THEM5: variants seen among roughly 807,000 people sequenced by gnomAD.
The protein encoded by THEM5 is acyl-coenzyme A thioesterase THEM5.
THEM5 carries 28 observed loss-of-function variants against 24.2 expected under a neutral mutation model. The ratio of observed to expected loss-of-function variants is 1.16; its 90% CI spans 0.86 to 1.59. The LOEUF (loss-of-function observed/expected upper bound fraction) is 1.59. Among genes scored for constraint, THEM5 ranks in the 40% most tolerant of loss-of-function variants. The pLI is 0.00. For synonymous variants in THEM5, 87 were observed against 114.5 expected (o/e 0.76, Z 1.53); for missense variants, 260 against 296.8 (o/e 0.88, Z 0.91).
chr1:151,851,097 C>A lies in THEM5; in HGVS notation c.420G>T (p.Ser140=), dbSNP rs762789735. 6.2e-7 allele frequency: 1 copy of A among 1,614,160 alleles called. No homozygotes were observed. Among genetic ancestry groups the A allele is most frequent in the Non-Finnish European group, 8.5e-7 (1 of 1,180,030 alleles). The part of the protein sequence containing the change: ...VIFFQPTQKK[S]VCLFQPGSYL... Reference sequence around the variant, plus strand: ...AGGAGCCTGGTTGGAAAAGACAGACCGACTTCTTCTGGGTTGGCTGGAAAA... The same window carrying A: ...AGGAGCCTGGTTGGAAAAGACAGACAGACTTCTTCTGGGTTGGCTGGAAAA... Residue 140 remains serine (S), a synonymous_variant, in exon 3 of 6, where the codon TCG becomes TCT. Coordinates refer to ENST00000368817, the MANE Select transcript of THEM5 (RefSeq NM_182578.4).
chr1:151,847,512 G>C, intron 5 of THEM5, 98 bp from the exon 6 acceptor site: 1 of 1,526,060 alleles, frequency 6.6e-7, no homozygotes, highest in Non-Finnish European at 9.1e-7. Flanking sequence ...CCCATTACCT[G>C]GGTCCTGTCC....
Position 151,847,743 on chromosome 1 carries a change from G to A in THEM5, c.695C>T (p.Ser232Phe). The change falls in exon 5 of 6, where the codon TCC becomes TTC. Residue 232 changes from serine (S) to phenylalanine (F), a missense_variant. Ser to Phe is a radical substitution (Grantham distance 155, BLOSUM62 -2). Transcript: ENST00000368817. ...SRDQQTVYAK[S>F]SGVFLQLQLE... ...TGGGCTGGGGGCTCCTTTACCTGAG[G>A]ACTTGGCATAAACTGTCTGCTGGTC... 1 of 1,613,334 alleles carries A rather than the reference G, an allele frequency of 6.2e-7. No individual in the cohort carries two copies. The highest frequency in any genetic ancestry group is 8.5e-7 in the Non-Finnish European group (1 of 1,179,916).
intron 1 of THEM5, 149 bp from the exon 2 acceptor site, chr1:151,852,608 T>C: frequency 1.3e-6 from 1 of 743,344 alleles, no homozygotes; most frequent in Non-Finnish European, 2.2e-6. Flanking sequence ...CCCATATTCC[T>C]TGCAGGGGGG....
In THEM5 at chr1:151,853,421, T is replaced by C. The variant is rs755332115; in HGVS notation, c.123+22A>G. On this transcript the variant is annotated intron_variant, in intron 1 of 5. Coordinates refer to ENST00000368817, the MANE Select transcript of THEM5 (RefSeq NM_182578.4). ...TAGGCTCCTGGGAAAACACTGCCCA[T>C]CTGGCTGAGCTGGGAACTCACCATG... 2.0e-5 allele frequency: 32 copies of C among 1,608,408 alleles called. 1 individual carries two copies. In the South Asian group the frequency reaches 3.4e-4, roughly 17 times the overall value.
intron 1 of THEM5, among the ~76,000 whole-genome samples, chr1:151,853,092 A>C (rs1399505490): frequency 6.6e-6 from 1 of 152,220 alleles, no homozygotes; most frequent in Non-Finnish European, 1.5e-5. Flanking sequence ...TCACCTGCTC[A>C]TACACCAGTC....
At chr1:151,849,065 TA>T (rs1653033032) in intron 3 of THEM5, among the ~76,000 whole-genome samples, 1 of 151,834 alleles carries the variant, frequency 6.6e-6, no homozygotes, top group Non-Finnish European at 1.5e-5. Context: ...CTAAAAAATA[TA>T]AAAATTAGAC....
intron 3 of THEM5, 77 bp from the exon 4 acceptor site, chr1:151,848,369 C>T (rs60166269): frequency 0.19 from 213,195 of 1,132,424 alleles, 24,742 homozygotes; most frequent in South Asian, 0.38. Context: ...CCTTCCCTCC[C>T]TCCTGTGGTG....
rs769395039 is a variant in THEM5, at chr1:151,851,101, T to A, written c.416A>T (p.Lys139Met). 3.1e-6 allele frequency: 5 copies of A among 1,613,828 alleles called. No individual in the cohort carries two copies. Among genetic ancestry groups the A allele is most frequent in the South Asian group, 2.2e-5 (2 of 91,078 alleles). ...GCCTGGTTGGAAAAGACAGACCGAC[T>A]TCTTCTGGGTTGGCTGGAAAAAGAT... ...YVIFFQPTQK[K>M]SVCLFQPGSY... The change falls in exon 3 of 6, where the codon AAG (lysine) becomes ATG (methionine). Residue 139 changes from lysine (K) to methionine (M), a missense_variant. Physicochemically the swap from Lys to Met is moderately conservative, Grantham distance 95. Coordinates refer to ENST00000368817, the MANE Select transcript of THEM5 (RefSeq NM_182578.4).
rs1406414584 is a variant in THEM5 at position 151,852,302 on chromosome 1, TG to T, written c.280del (p.His94ThrfsTer72). The T allele has an allele frequency of 1.9e-6, 3 of 1,613,970 alleles. No individual in the cohort carries two copies. Among genetic ancestry groups the T allele is most frequent in the Middle Eastern group, 1.7e-4 (1 of 6,032 alleles). On this transcript the variant is annotated frameshift_variant, in exon 2 of 6. Coordinates refer to ENST00000368817, the MANE Select transcript of THEM5 (RefSeq NM_182578.4). LOFTEE classifies it high-confidence loss of function. ...KLPSFKSNRD[H>X]IRGLKLPSGL... ...AGATGGGAGCTTGAGTCCCCGGATG[TG>T]GTCTCTGTTGGACTTGAAGGAGGGC...
At chr1:151,851,883 C>T (rs901112796) in intron 2 of THEM5, among the ~76,000 whole-genome samples, 2 of 152,124 alleles carry the variant, frequency 1.3e-5, no homozygotes, top group African/African-American at 4.8e-5. Flanking sequence ...TGTGCAGGGC[C>T]TCAGTGGAAG....
chr1:151,851,335 C>G, intron 2 of THEM5, 144 bp from the exon 3 acceptor site: 1 of 1,063,834 alleles, frequency 9.4e-7, no homozygotes, highest in Admixed American at 2.1e-5. Flanking sequence ...AGCCTTCCCT[C>G]TGGGAGCAGA....
At chr1:151,851,364 A>C (rs1653116471) in intron 2 of THEM5, among the ~76,000 whole-genome samples, 173 bp from the exon 3 acceptor site, 1 of 152,182 alleles carries the variant, frequency 6.6e-6, no homozygotes, top group Non-Finnish European at 1.5e-5. Context: ...TGCTGTCCTC[A>C]CAGAGCCTTT....
Position 151,851,110 on chromosome 1 carries a change from G to A in THEM5, c.407C>T (p.Thr136Ile). The A allele has an allele frequency of 6.2e-7, 1 of 1,614,222 alleles. No homozygotes were observed. Among genetic ancestry groups the A allele is most frequent in the Middle Eastern group, 1.7e-4 (1 of 6,060 alleles). ...GAAAAGACAGACCGACTTCTTCTGG[G>A]TTGGCTGGAAAAAGATGACATACTC... Reference protein sequence around the residue: ...GFEYVIFFQPTQKKSVCLFQP... With the variant: ...GFEYVIFFQPIQKKSVCLFQP... Residue 136 changes from threonine to isoleucine, a missense_variant, in exon 3 of 6, where the codon ACC becomes ATC. Coordinates refer to ENST00000368817, the MANE Select transcript of THEM5 (RefSeq NM_182578.4).
rs750807190 is a variant in THEM5 at position 151,848,190 on chromosome 1, C to G, written c.567G>C (p.Arg189Ser). The G allele has an allele frequency of 5.6e-6, 9 of 1,614,084 alleles. No homozygotes were observed. In the South Asian group the frequency reaches 9.9e-5, roughly 18 times the overall value. ...CAGGGGCCCATACTTACTTTTTGAA[C>G]CTGATGTTGAGACTTAGTGTGAACA... ...EGLFTLSLNI[R>S]FKNLIPVDSL... Residue 189 changes from arginine (R) to serine (S), a missense_variant, in exon 4 of 6, where the codon AGG (arginine) becomes AGC (serine). Coordinates refer to ENST00000368817, the MANE Select transcript of THEM5 (RefSeq NM_182578.4).
rs375698330 is a variant in THEM5, at chr1:151,852,501, G to C, written c.124-42C>G. On this transcript the variant is annotated intron_variant, in intron 1 of 5. Transcript: ENST00000368817. ...AGAATGACTAGACAGCATCCTGGAG[G>C]GGGGCTGCTGCCTGGGCTCGGGACC... is the stretch of plus-strand genomic sequence containing the variant. The C allele has an allele frequency of 6.9e-6, 11 of 1,603,186 alleles. No individual in the cohort carries two copies. The African/African-American group carries it at 1.2e-4, about 18-fold the overall frequency.
chr1:151,851,395 C>G (rs757559995), intron 2 of THEM5, among the ~76,000 whole-genome samples: 12 of 152,122 alleles, frequency 7.9e-5, no homozygotes, highest in Non-Finnish European at 1.5e-4. Context: ...CAGAAACATG[C>G]AGGAAGTGCC....
intron 2 of THEM5, 37 bp from the exon 3 acceptor site, chr1:151,851,228 G>A (rs1396342757): frequency 6.2e-7 from 1 of 1,613,872 alleles, no homozygotes; most frequent in African/African-American, 1.3e-5. Flanking sequence ...CCGGAGAAGG[G>A]AGGGTATGGT....
At chr1:151,847,717 C>T in intron 5 of THEM5, 21 bp downstream of exon 5, 1 of 1,610,738 alleles carries the variant, frequency 6.2e-7, no homozygotes, top group Non-Finnish European at 8.5e-7. Context: ...GGGCCTGGGG[C>T]TGGGCTGGGG....
chr1:151,852,395 C>T lies in THEM5; in HGVS notation c.188G>A (p.Cys63Tyr). The T allele has an allele frequency of 6.2e-7, 1 of 1,614,130 alleles. No homozygotes were observed. Among genetic ancestry groups the T allele is most frequent in the Non-Finnish European group, 8.5e-7 (1 of 1,180,036 alleles). The change falls in exon 2 of 6, where the codon TGT (cysteine) becomes TAT (tyrosine). Residue 63 changes from cysteine (C) to tyrosine (Y), a missense_variant. By Grantham distance (194) the Cys-to-Tyr change is radical. Coordinates refer to ENST00000368817, the MANE Select transcript of THEM5 (RefSeq NM_182578.4). ...KDYALPNASWCSDMLSLYQEF... is the reference protein window; with the variant it reads ...KDYALPNASWYSDMLSLYQEF... ...TTGGTACAGGCTCAGCATGTCCGAACACCAGCTGGCATTGGGAAGAGCATA... is the reference window on the plus strand; with the variant it reads ...TTGGTACAGGCTCAGCATGTCCGAATACCAGCTGGCATTGGGAAGAGCATA...
Sources: gnomAD v4.1 joint callset for allele counts (sites outside exome capture counted in the v4.1 genomes callset) on GRCh38, gnomAD v4.1.1 for gene constraint, MANE v1.5 for transcripts, NCBI Gene and HGNC (gene_info 2026-07-23, HGNC 2026-07-21) for gene names.